The following PNO1 variants were observed in gnomAD, a reference collection of about 807,000 sequenced individuals.
The protein encoded by PNO1 is RNA-binding protein PNO1.
A neutral mutation model predicts 28.4 loss-of-function variants in PNO1; 16 were observed. That is an observed-to-expected ratio of 0.56 (90% CI 0.38 to 0.85). The LOEUF (loss-of-function observed/expected upper bound fraction) is 0.85, where lower values mean the gene tolerates loss of function less well. PNO1 is among the 40% of genes least tolerant of loss of function. PNO1 has a pLI of 0.00. For missense variants in PNO1, 304 were observed against 312.2 expected (o/e 0.97, Z 0.20); for synonymous variants, 115 against 110.8 (o/e 1.04, Z -0.24).
chr2:68,174,466 AAAT>A (rs1269499426), intron 6 of PNO1, among the ~76,000 whole-genome samples: 8 of 152,206 alleles, frequency 5.3e-5, no homozygotes, highest in African/African-American at 1.7e-4. Flanking sequence ...GGCAAATTAA[AAAT>A]AATACAAATT....
Position 68,160,153 on chromosome 2 carries a change from TA to T in PNO1, c.358-1529del, listed in dbSNP as rs1673793436. Among the ~76,000 whole-genome samples, 8 of 151,954 alleles carry T rather than the reference TA, an allele frequency of 5.3e-5. No individual in the cohort carries two copies. In the South Asian group the frequency reaches 1.7e-3, roughly 32 times the overall value. ...CCGGCTAATTTTTTGTATTTTTTAG[TA>T]GAGACAGGGTTTCACCGTGTTAGCC... On this transcript the variant is annotated intron_variant, in intron 2 of 6. Transcript: ENST00000263657.
At chr2:68,158,190 G>A in intron 1 of PNO1, 49 bp downstream of exon 1, 1 of 1,508,958 alleles carries the variant, frequency 6.6e-7, no homozygotes. Context: ...GCCAGACGCG[G>A]ATCAAGCCGA....
chr2:68,162,376 G>C, intron 4 of PNO1, 51 bp downstream of exon 4: 1 of 1,382,904 alleles, frequency 7.2e-7, no homozygotes, highest in Non-Finnish European at 1.0e-6. Context: ...GTATTGTGAT[G>C]TGACTCTCAG....
Position 68,176,068 on chromosome 2 carries a change from TAA to T in PNO1, c.*1267_*1268del, listed in dbSNP as rs1488842011. 6.6e-6 allele frequency: 1 copy of T among 152,252 alleles called. No homozygotes were observed. The highest frequency in any genetic ancestry group is 1.9e-4 in the East Asian group (1 of 5,208). The allele number at this position is 152,252 out of a possible 1,614,324, so 9.4% of individuals were successfully genotyped here. A position where few individuals can be genotyped will look rare whatever the true frequency, so the allele number is the denominator to read the frequency against. On this transcript the variant is annotated 3_prime_UTR_variant, in exon 7 of 7. Transcript: ENST00000263657. ...TGAAAAATAATAGTAAGAACCATCA[TAA>T]GTCTGTTTCTTCTAGTAAAGGTGAA...
At chr2:68,163,808 A>C (rs1673906881) in intron 5 of PNO1, among the ~76,000 whole-genome samples, 1 of 152,188 alleles carries the variant, frequency 6.6e-6, no homozygotes. Flanking sequence ...GCCAGAAGTG[A>C]AGCTGGGATT....
intron 5 of PNO1, among the ~76,000 whole-genome samples, chr2:68,162,921 A>G (rs1673874870): frequency 6.6e-6 from 1 of 152,240 alleles, no homozygotes; most frequent in Non-Finnish European, 1.5e-5. Context: ...CAGTTGGGCA[A>G]AGTCATCCGA....
In PNO1 at chr2:68,175,194, A is replaced by G. The variant is rs1434279807; in HGVS notation, c.*392A>G. On this transcript the variant is annotated 3_prime_UTR_variant, in exon 7 of 7. Transcript: ENST00000263657. ...TTATAAACATTTCTTTATAAATTGT[A>G]ATTTAATAGATTATCTCAGAAAAAC... The G allele has an allele frequency of 1.3e-5, 2 of 154,012 alleles. No homozygotes were observed. The highest frequency in any genetic ancestry group is 2.9e-5 in the Non-Finnish European group (2 of 69,302). The allele number at this position is 154,012 out of a possible 1,614,324, so 9.5% of individuals were successfully genotyped here.
At chr2:68,165,524 C>T (rs13399939) in intron 5 of PNO1, among the ~76,000 whole-genome samples, 1 of 124,496 alleles carries the variant, frequency 8.0e-6, no homozygotes, top group African/African-American at 3.2e-5. Context: ...CCAGCCTGGG[C>T]GACAGAGTGA....
chr2:68,161,778 CATG>C lies in PNO1; in HGVS notation c.441+15_441+17del, dbSNP rs755762843. ...GCTTTCAGGTGGAGGTGAGTAATTCCATGATATCTAAAATGGGGACTTTAAAAA... is the reference window on the plus strand; with the variant it reads ...GCTTTCAGGTGGAGGTGAGTAATTCCATATCTAAAATGGGGACTTTAAAAA... On this transcript the variant is annotated intron_variant, in intron 3 of 6. Coordinates refer to ENST00000263657, the MANE Select transcript of PNO1 (RefSeq NM_020143.4). 1 of 1,537,948 alleles carries C rather than the reference CATG, an allele frequency of 6.5e-7. No homozygotes were observed. Among genetic ancestry groups the C allele is most frequent in the Non-Finnish European group, 9.0e-7 (1 of 1,112,532 alleles).
intron 2 of PNO1, among the ~76,000 whole-genome samples, chr2:68,160,054 C>T (rs1330991671): frequency 2.7e-5 from 4 of 150,754 alleles, no homozygotes; most frequent in African/African-American, 9.8e-5. Context: ...CTGCAAGCTC[C>T]GCCTCCTGGA....
intron 4 of PNO1, 86 bp downstream of exon 4, chr2:68,162,411 G>A: frequency 1.7e-6 from 2 of 1,143,566 alleles, no homozygotes; most frequent in South Asian, 1.3e-5. Context: ...CAATTGAGCT[G>A]TATTTTTAGC....
At chr2:68,162,150 A>G in intron 3 of PNO1, 115 bp from the exon 4 acceptor site, 1 of 803,372 alleles carries the variant, frequency 1.2e-6, no homozygotes, top group Non-Finnish European at 2.0e-6. Flanking sequence ...AAGGGAAAAA[A>G]AAAAGCTTTC....
intron 5 of PNO1, among the ~76,000 whole-genome samples, chr2:68,167,035 C>T (rs1161612024): frequency 1.3e-5 from 2 of 152,164 alleles, no homozygotes; most frequent in Admixed American, 6.5e-5. Flanking sequence ...ATGGTTTTCT[C>T]CAGCAGGAAT....
Position 68,161,498 on chromosome 2 carries a change from G to A in PNO1, c.358-185G>A, listed in dbSNP as rs151314264. The A allele has an allele frequency of 9.8e-4, 559 of 572,862 alleles. 5 individuals are homozygous for A. The highest frequency in any genetic ancestry group is 8.9e-3 in the African/African-American group (471 of 53,068). The allele number at this position is 572,862 out of a possible 1,614,324, so 35.5% of individuals were successfully genotyped here. ...ACAGCCAAGCTTTGGAGCTGGGAACGTTTTGTTTTGCAAATAAAGTACAGC... is the reference window on the plus strand; with the variant it reads ...ACAGCCAAGCTTTGGAGCTGGGAACATTTTGTTTTGCAAATAAAGTACAGC... On this transcript the variant is annotated intron_variant, in intron 2 of 6. Coordinates refer to ENST00000263657, the MANE Select transcript of PNO1 (RefSeq NM_020143.4).
Position 68,176,051 on chromosome 2 carries a change from A to C in PNO1, c.*1249A>C, listed in dbSNP as rs1674274266. ...ATGAATAATTCTAAAGTTGAAAAATAATAGTAAGAACCATCATAAGTCTGT... is the reference window on the plus strand; with the variant it reads ...ATGAATAATTCTAAAGTTGAAAAATCATAGTAAGAACCATCATAAGTCTGT... On this transcript the variant is annotated 3_prime_UTR_variant, in exon 7 of 7. Transcript: ENST00000263657. 1 of 152,252 alleles carries C rather than the reference A, an allele frequency of 6.6e-6. No homozygotes were observed. The highest frequency in any genetic ancestry group is 2.4e-5 in the African/African-American group (1 of 41,462). The allele number at this position is 152,252 out of a possible 1,614,324, so 9.4% of individuals were successfully genotyped here. A position where few individuals can be genotyped will look rare whatever the true frequency, so the allele number is the denominator to read the frequency against.
At chr2:68,163,610 C>T (rs1026348684) in intron 5 of PNO1, among the ~76,000 whole-genome samples, 3 of 151,998 alleles carry the variant, frequency 2.0e-5, no homozygotes, top group Non-Finnish European at 2.9e-5. Flanking sequence ...TATTAAATCA[C>T]TAGGGGAGAA....
chr2:68,166,175 A>G (rs2103680779), intron 5 of PNO1, among the ~76,000 whole-genome samples: 1 of 152,282 alleles, frequency 6.6e-6, no homozygotes, highest in South Asian at 2.1e-4. Flanking sequence ...GTACTATTTC[A>G]TTGCACAGGT....
In PNO1 at chr2:68,173,327, T is replaced by C. The variant is rs1674180457; in HGVS notation, c.621-20T>C. On this transcript the variant is annotated intron_variant, in intron 5 of 6. Transcript: ENST00000263657. ...TCATTGCATCCCAGCCACTAATTTG[T>C]CTCATTTTATTTCTTTCAGGAAAGT... 2.7e-6 allele frequency: 4 copies of C among 1,504,332 alleles called. No homozygotes were observed. Among genetic ancestry groups the C allele is most frequent in the African/African-American group, 1.4e-5 (1 of 72,550 alleles). 93.2% of individuals were successfully genotyped at this position (1,504,332 alleles called of 1,614,324 possible).
At position 68,162,474 on chromosome 2, in the gene PNO1, G is replaced by T. The variant is rs1572937498; in HGVS notation, c.503-72G>T. On this transcript the variant is annotated intron_variant, in intron 4 of 6. Transcript: ENST00000263657. ...TGTCCTTTAGAGAAATTTAGTTTAT[G>T]ATTAAACTTTATGTGGAATGGGTGG... 3 of 1,170,394 alleles carry T rather than the reference G, an allele frequency of 2.6e-6. No individual in the cohort carries two copies. The South Asian group carries it at 3.9e-5, about 15-fold the overall frequency. 72.5% of individuals were successfully genotyped at this position (1,170,394 alleles called of 1,614,324 possible).
Sources: gnomAD v4.1 joint callset for allele counts (sites outside exome capture counted in the v4.1 genomes callset) on GRCh38, gnomAD v4.1.1 for gene constraint, MANE v1.5 for transcripts, NCBI Gene and HGNC (gene_info 2026-07-23, HGNC 2026-07-21) for gene names.